Variants in FAM221A observed in about 807,000 individuals in gnomAD.
The protein encoded by FAM221A is protein FAM221A.
Under a neutral mutation model 37.6 loss-of-function variants are expected in FAM221A, and 43 were observed. That is an observed-to-expected ratio of 1.15 (90% CI 0.90 to 1.48). The LOEUF (loss-of-function observed/expected upper bound fraction) is 1.48, where lower values mean the gene tolerates loss of function less well. Ranked by LOEUF, FAM221A falls within the 40% of genes most tolerant of loss-of-function variation. The probability of loss-of-function intolerance (pLI) is 0.00; values close to 1 mark genes in which losing one functional copy is unlikely to be tolerated. For missense variants in FAM221A, 361 were observed against 361.5 expected (o/e 1.00, Z 0.01); for synonymous variants, 135 against 132.9 (o/e 1.02, Z -0.11).
At chr7:23,695,374 G>C (rs1193129048) in intron 4 of FAM221A, among the ~76,000 whole-genome samples, 3 of 151,844 alleles carry the variant, frequency 2.0e-5, no homozygotes, top group Non-Finnish European at 2.9e-5. Flanking sequence ...ATCTTATTAA[G>C]TTTATTTCTA....
chr7:23,680,264 G>A lies in FAM221A; in HGVS notation c.46G>A (p.Glu16Lys), dbSNP rs2128030117. Residue 16 changes from glutamate to lysine, a missense_variant, in exon 1 of 7, where the codon GAG becomes AAG. Coordinates refer to ENST00000344962, the MANE Select transcript of FAM221A (RefSeq NM_199136.5). Reference sequence around the variant, plus strand: ...TCTCGGCGGCGCGGCGGCGGTGGACGAGTACCTGGAGTACCGGAGGTGAGG... The same window carrying A: ...TCTCGGCGGCGCGGCGGCGGTGGACAAGTACCTGGAGTACCGGAGGTGAGG... ...LPLGGAAAVD[E>K]YLEYRRIVGE... 6.5e-7 allele frequency: 1 copy of A among 1,548,410 alleles called. No individual in the cohort carries two copies. Among genetic ancestry groups the A allele is most frequent in the Middle Eastern group, 1.7e-4 (1 of 5,780 alleles).
At chr7:23,697,734 C>T (rs1020136423) in intron 4 of FAM221A, among the ~76,000 whole-genome samples, 1 of 151,980 alleles carries the variant, frequency 6.6e-6, no homozygotes, top group Non-Finnish European at 1.5e-5. Context: ...TACCCATTTG[C>T]TTTTACTTTA....
chr7:23,702,055 G>T, intron 6 of FAM221A, 41 bp from the exon 7 acceptor site: 1 of 1,397,014 alleles, frequency 7.2e-7, no homozygotes, highest in Non-Finnish European at 9.8e-7. Context: ...CTTTAGAATG[G>T]TTTACAAGTT....
downstream of FAM221A, chr7:23,703,142 A>G (rs983066987): frequency 3.3e-5 from 5 of 152,190 alleles, no homozygotes; most frequent in South Asian, 1.0e-3. Context: ...AGCAGTGGCC[A>G]ACTCAATAAT....
At chr7:23,680,321 C>A (rs544433778) in intron 1 of FAM221A, 38 bp downstream of exon 1, 5 of 1,498,886 alleles carry the variant, frequency 3.3e-6, no homozygotes, top group East Asian at 2.6e-5. Context: ...CCCGCCGCTC[C>A]GAGGGGCCAG....
chr7:23,698,122 A>T, intron 4 of FAM221A, 70 bp from the exon 5 acceptor site: 1 of 857,416 alleles, frequency 1.2e-6, no homozygotes, highest in Non-Finnish European at 1.9e-6. Context: ...TTTATTTTAC[A>T]TTAGAAGTAA....
At chr7:23,687,387 G>A (rs1331702566) in intron 2 of FAM221A, 1 of 152,008 alleles carries the variant, frequency 6.6e-6, no homozygotes, top group South Asian at 2.1e-4. Flanking sequence ...TTGACAAAAG[G>A]GTTTCACTGC....
rs901482145 is a variant in FAM221A, at chr7:23,680,402, G to A, written c.65+119G>A. 4 of 726,152 alleles carry A rather than the reference G, an allele frequency of 5.5e-6. No individual in the cohort carries two copies. The South Asian group carries it at 7.5e-5, about 14-fold the overall frequency. The allele number at this position is 726,152 out of a possible 1,614,324, so 45.0% of individuals were successfully genotyped here. Reference sequence around the variant, plus strand: ...GGGGGTTCCCGGAATCTGTGCCTGGGCTGTTGGGGGAGGCCTAGATGAATT... The same window carrying A: ...GGGGGTTCCCGGAATCTGTGCCTGGACTGTTGGGGGAGGCCTAGATGAATT... On this transcript the variant is annotated intron_variant, in intron 1 of 6. Transcript: ENST00000344962.
At chr7:23,700,315 T>G (rs1007809700) in intron 5 of FAM221A, among the ~76,000 whole-genome samples, 3 of 152,216 alleles carry the variant, frequency 2.0e-5, no homozygotes, top group Non-Finnish European at 2.9e-5. Flanking sequence ...CCTTTCAGCA[T>G]ATAAATTAGT....
At chr7:23,690,720 C>A (rs1429490316) in intron 3 of FAM221A, among the ~76,000 whole-genome samples, 1 of 152,104 alleles carries the variant, frequency 6.6e-6, no homozygotes, top group Non-Finnish European at 1.5e-5. Flanking sequence ...CAATACATTT[C>A]AGAACATTTT....
At chr7:23,699,191 C>T (rs192806190) in intron 5 of FAM221A, among the ~76,000 whole-genome samples, 6 of 149,674 alleles carry the variant, frequency 4.0e-5, no homozygotes, top group East Asian at 2.0e-4. Flanking sequence ...GATCATGGCT[C>T]ACTGTTACCT....
chr7:23,687,167 T>C (rs914814203), intron 2 of FAM221A: 2 of 152,278 alleles, frequency 1.3e-5, no homozygotes, highest in Non-Finnish European at 2.9e-5. Flanking sequence ...CACATTGTTA[T>C]GTGCTGATCA....
In FAM221A at chr7:23,702,296, C is replaced by A; in HGVS notation, c.*132C>A. On this transcript the variant is annotated 3_prime_UTR_variant, in exon 7 of 7. Transcript: ENST00000344962. ...TGTATAAATGTCTTTTGGGATGTTT[C>A]CTTAATTTATTTAAATAACTAAAAA... The A allele has an allele frequency of 4.0e-6, 2 of 498,054 alleles. No homozygotes were observed. The highest frequency in any genetic ancestry group is 5.5e-5 in the South Asian group (1 of 18,282). 30.9% of individuals were successfully genotyped at this position (498,054 alleles called of 1,614,324 possible).
At chr7:23,697,198 G>T (rs1048781434) in intron 4 of FAM221A, among the ~76,000 whole-genome samples, 2 of 152,246 alleles carry the variant, frequency 1.3e-5, no homozygotes, top group Non-Finnish European at 2.9e-5. Flanking sequence ...CTTCTCCCAT[G>T]TTCCCACATG....
intron 4 of FAM221A, among the ~76,000 whole-genome samples, chr7:23,697,691 A>G (rs1177798608): frequency 6.6e-6 from 1 of 152,126 alleles, no homozygotes; most frequent in African/African-American, 2.4e-5. Context: ...TTTTCTGTGA[A>G]AAAGTTCTCA....
In FAM221A at chr7:23,684,556, C is replaced by G. The variant is rs1485267228; in HGVS notation, c.123C>G (p.Tyr41Ter). ...KLFTPEEYEE[Y>*]KRKVLPLRLQ... ...TTACTCCTGAAGAATATGAAGAATACAAAAGAAAAGTTTTACCTCTGCGCT... is the reference window on the plus strand; with the variant it reads ...TTACTCCTGAAGAATATGAAGAATAGAAAAGAAAAGTTTTACCTCTGCGCT... The change falls in exon 2 of 7, where the codon TAC becomes TAG. Residue 41 changes from tyrosine to a stop codon, truncating the protein, a stop_gained. Transcript: ENST00000344962. LOFTEE classifies it high-confidence loss of function. 1.9e-6 allele frequency: 3 copies of G among 1,613,524 alleles called. No individual in the cohort carries two copies. In the African/African-American group the frequency reaches 4.0e-5, roughly 22 times the overall value.
At chr7:23,694,177 C>CT (rs1784913861) in intron 4 of FAM221A, 1 of 152,162 alleles carries the variant, frequency 6.6e-6, no homozygotes, top group South Asian at 2.1e-4. Context: ...TGAACTCATT[C>CT]TTTTTTATGG....
At position 23,691,494 on chromosome 7, in the gene FAM221A, GA is replaced by G. The variant is rs772334819; in HGVS notation, c.540del (p.Lys180AsnfsTer15). ...VETKQERLAQ[E>X]KPVGQDIPYA... ...AACTAAGCAAGAAAGATTGGCTCAG[GA>G]AAAACCAGTGGGACAGGACATTCCT... On this transcript the variant is annotated frameshift_variant, in exon 4 of 7. Transcript: ENST00000344962. LOFTEE classifies it high-confidence loss of function. The G allele has an allele frequency of 6.2e-7, 1 of 1,614,090 alleles. No individual in the cohort carries two copies. Among genetic ancestry groups the G allele is most frequent in the East Asian group, 2.2e-5 (1 of 44,898 alleles).
Position 23,692,049 on chromosome 7 carries a change from G to A in FAM221A, c.637+453G>A, listed in dbSNP as rs1010604881. The A allele has an allele frequency of 1.7e-4, 41 of 239,028 alleles. No homozygotes were observed. In the Admixed American group the frequency reaches 2.3e-3, roughly 13 times the overall value. 14.8% of individuals were successfully genotyped at this position (239,028 alleles called of 1,614,324 possible). A position where few individuals can be genotyped will look rare whatever the true frequency, so the allele number is the denominator to read the frequency against. On this transcript the variant is annotated intron_variant, in intron 4 of 6. Transcript: ENST00000344962. Reference sequence around the variant, plus strand: ...TGTTCATGTGTGTATATGAACATACGTGTATATACATGTAATCACTTCTGT... The same window carrying A: ...TGTTCATGTGTGTATATGAACATACATGTATATACATGTAATCACTTCTGT...
Sources: allele counts gnomAD v4.1 joint callset (sites outside exome capture counted in the v4.1 genomes callset), GRCh38; gene constraint gnomAD v4.1.1; transcripts MANE v1.5; gene names NCBI Gene and HGNC (gene_info 2026-07-23, HGNC 2026-07-21).